The following NALCN variants were observed in gnomAD, a reference collection of about 807,000 sequenced individuals.
NALCN encodes sodium leak channel, non-selective.
A neutral mutation model predicts 225.3 loss-of-function variants in NALCN; 111 were observed. That is an observed-to-expected ratio of 0.49 (90% confidence interval 0.42 to 0.58). The LOEUF is 0.58. NALCN is among the 20% of genes least tolerant of loss of function. The pLI is 0.00. For missense variants in NALCN, 1,378 were observed against 2,202.4 expected, an observed-to-expected ratio of 0.63 and a Z score of 7.49; for synonymous variants, 764 against 769.0, an observed-to-expected ratio of 0.99 and a Z score of 0.11.
At chr13:101,124,128 G>A (rs75571444) in intron 18 of NALCN, among the ~76,000 whole-genome samples, 2,550 of 152,094 alleles carry the variant, frequency 0.017, 72 homozygotes, top group African/African-American at 0.054. Flanking sequence ...TCATTTCAGC[G>A]CATCTTCTAG....
Position 101,107,610 on chromosome 13 carries a change from C to T in NALCN, c.2457-1G>A. On this transcript the variant is annotated splice_acceptor_variant, in intron 21 of 43. Coordinates refer to ENST00000251127, the MANE Select transcript of NALCN (RefSeq NM_052867.4). LOFTEE classifies it high-confidence loss of function. ...TCTGAGTTCCTCTTCTTGCACTTTCCTTGAAGGAGAAATTCATGGGAGAAT... is the reference window on the plus strand; with the variant it reads ...TCTGAGTTCCTCTTCTTGCACTTTCTTTGAAGGAGAAATTCATGGGAGAAT... 2 of 1,614,044 alleles carry T rather than the reference C, an allele frequency of 1.2e-6. No homozygotes were observed. The highest frequency in any genetic ancestry group is 1.7e-6 in the Non-Finnish European group (2 of 1,179,926).
At chr13:101,375,812 T>C (rs1291699643) in intron 6 of NALCN, among the ~76,000 whole-genome samples, 1 of 152,132 alleles carries the variant, frequency 6.6e-6, no homozygotes, top group Non-Finnish European at 1.5e-5. Context: ...CATAGTCATA[T>C]CTGTTGCACT....
intron 18 of NALCN, among the ~76,000 whole-genome samples, chr13:101,119,785 C>A (rs2035883688): frequency 6.6e-6 from 1 of 152,160 alleles, no homozygotes; most frequent in Admixed American, 6.5e-5. Context: ...TAATAGCAAT[C>A]CTGGATTTTA....
rs149892382 is a variant in NALCN, at chr13:101,257,451, G to A, written c.1266+992C>T. On this transcript the variant is annotated intron_variant, in intron 11 of 43. Transcript: ENST00000251127. ...AATTCTTTTTCAGAAAAGCTTGTGCGTGGGTAGACTAAATTTTTATTAACC... is the reference window on the plus strand; with the variant it reads ...AATTCTTTTTCAGAAAAGCTTGTGCATGGGTAGACTAAATTTTTATTAACC... 2.4e-4 allele frequency among the ~76,000 whole-genome samples: 37 copies of A among 152,224 alleles called. No individual in the cohort carries two copies. The Middle Eastern group carries it at 0.017, about 70-fold the overall frequency.
At chr13:101,244,853 T>A (rs1464216061) in intron 11 of NALCN, among the ~76,000 whole-genome samples, 1 of 152,210 alleles carries the variant, frequency 6.6e-6, no homozygotes, top group Non-Finnish European at 1.5e-5. Context: ...CAAGCTCTAG[T>A]AACCACTTCT....
chr13:101,329,335 T>C (rs2045077336), intron 7 of NALCN, among the ~76,000 whole-genome samples: 1 of 152,214 alleles, frequency 6.6e-6, no homozygotes, highest in Non-Finnish European at 1.5e-5. Flanking sequence ...TGAAAGCATT[T>C]GAATATTTGC....
rs2038874535 is a variant in NALCN at position 101,174,406 on chromosome 13, A to G, written c.1839+1894T>C. 1.3e-5 allele frequency among the ~76,000 whole-genome samples: 2 copies of G among 152,294 alleles called. 1 individual carries two copies. The highest frequency in any genetic ancestry group is 6.8e-3 in the Middle Eastern group (2 of 294). On this transcript the variant is annotated intron_variant, in intron 15 of 43. Transcript: ENST00000251127. ...ATTAAAAGCCATTTTATAAATAATG[A>G]CATTTACCCAAAGTGAAGGGCCATA...
rs1566460893 is a variant in NALCN at position 101,229,444 on chromosome 13, C to A, written c.1575G>T (p.Leu525Phe). ...GTTCTTCGACAAAGCAGAACATCTGCAAACTAATTGCTGACATAACAATCA... is the reference window on the plus strand; with the variant it reads ...GTTCTTCGACAAAGCAGAACATCTGAAAACTAATTGCTGACATAACAATCA... Reference protein sequence around the residue: ...SLLIVMSAISLQMFCFVEELD... With the variant: ...SLLIVMSAISFQMFCFVEELD... Residue 525 changes from leucine (L) to phenylalanine (F), a missense_variant, in exon 13 of 44, where the codon TTG becomes TTT. By Grantham distance (22) the Leu-to-Phe change is conservative (BLOSUM62 0). Coordinates refer to ENST00000251127, the MANE Select transcript of NALCN (RefSeq NM_052867.4). 1 of 1,608,858 alleles carries A rather than the reference C, an allele frequency of 6.2e-7. No homozygotes were observed. The highest frequency in any genetic ancestry group is 2.3e-5 in the East Asian group (1 of 44,386).
rs143884615 is a variant in NALCN at position 101,296,906 on chromosome 13, T to C, written c.800-4540A>G. 1.3e-4 allele frequency among the ~76,000 whole-genome samples: 20 copies of C among 152,386 alleles called. No individual in the cohort carries two copies. The East Asian group carries it at 3.9e-3, about 29-fold the overall frequency. On this transcript the variant is annotated intron_variant, in intron 7 of 43. Coordinates refer to ENST00000251127, the MANE Select transcript of NALCN (RefSeq NM_052867.4). ...ATTAAATAAGAAGACCACAAGTCTA[T>C]GTTTAGAAGATAAATACTAACCTTG...
At chr13:101,098,695 G>T (rs2034647308) in intron 27 of NALCN, among the ~76,000 whole-genome samples, 1 of 152,072 alleles carries the variant, frequency 6.6e-6, no homozygotes, top group Admixed American at 6.6e-5. Flanking sequence ...CCTTTCTTTG[G>T]ATTTATCTCT....
intron 9 of NALCN, among the ~76,000 whole-genome samples, chr13:101,285,779 G>A (rs539396218): frequency 4.9e-4 from 74 of 152,248 alleles, no homozygotes; most frequent in Middle Eastern, 3.4e-3. Context: ...ATGCAAACCT[G>A]TTATAGGACC....
chr13:101,322,380 T>A (rs1011120190), intron 7 of NALCN, among the ~76,000 whole-genome samples: 11 of 152,268 alleles, frequency 7.2e-5, no homozygotes, highest in African/African-American at 2.7e-4. Flanking sequence ...ATACACATGC[T>A]AGGCTAAGCA....
chr13:101,316,297 G>A (rs562502382), intron 7 of NALCN, among the ~76,000 whole-genome samples: 8 of 152,100 alleles, frequency 5.3e-5, no homozygotes, highest in Admixed American at 2.6e-4. Flanking sequence ...CTCTCAGTTC[G>A]ATCAGCCCTC....
chr13:101,336,597 A>T (rs2045384906), intron 7 of NALCN, among the ~76,000 whole-genome samples: 1 of 152,208 alleles, frequency 6.6e-6, no homozygotes, highest in African/African-American at 2.4e-5. Context: ...TGTGGAGCTG[A>T]CGACTTGTAG....
intron 7 of NALCN, among the ~76,000 whole-genome samples, chr13:101,308,074 ATTAGT>A (rs2044211646): frequency 6.6e-6 from 1 of 152,238 alleles, no homozygotes; most frequent in African/African-American, 2.4e-5. Context: ...AAATAGAGAA[ATTAGT>A]TTATAACAAT....
intron 12 of NALCN, among the ~76,000 whole-genome samples, chr13:101,232,105 A>G (rs1276783812): frequency 6.6e-6 from 1 of 151,976 alleles, no homozygotes; most frequent in African/African-American, 2.4e-5. Context: ...AACCAGCTTA[A>G]GAATGACACC....
intron 13 of NALCN, among the ~76,000 whole-genome samples, chr13:101,227,422 G>A (rs1281934128): frequency 6.6e-6 from 1 of 151,964 alleles, no homozygotes; most frequent in Non-Finnish European, 1.5e-5. Context: ...ATCTAGGAGT[G>A]GCCAACCCAG....
rs559758205 is a variant in NALCN, at chr13:101,205,532, T to C, written c.1627-13478A>G. Among the ~76,000 whole-genome samples the C allele has an allele frequency of 3.4e-4, 51 of 152,208 alleles. No homozygotes were observed. In the South Asian group the frequency reaches 5.4e-3, roughly 16 times the overall value. ...GGTATTTTTAGTTGAAAGGTATACT[T>C]CCCACCGATTATGTTAAAATAATGT... On this transcript the variant is annotated intron_variant, in intron 13 of 43. Coordinates refer to ENST00000251127, the MANE Select transcript of NALCN (RefSeq NM_052867.4).
intron 17 of NALCN, among the ~76,000 whole-genome samples, chr13:101,135,683 C>T (rs1181409471): frequency 6.6e-6 from 1 of 152,076 alleles, no homozygotes; most frequent in Non-Finnish European, 1.5e-5. Flanking sequence ...TGTAGAAATT[C>T]GAAATTTAAG....
Sources: gnomAD v4.1 joint callset for allele counts (sites outside exome capture counted in the v4.1 genomes callset) on GRCh38, gnomAD v4.1.1 for gene constraint, MANE v1.5 for transcripts, NCBI Gene and HGNC (gene_info 2026-07-23, HGNC 2026-07-21) for gene names.